The following ATP2B4 variants were observed in gnomAD, a reference collection of about 807,000 sequenced individuals.
ATP2B4 encodes ATPase plasma membrane Ca2+ transporting 4.
ATP2B4 carries 39 observed loss-of-function variants against 110.3 expected under a neutral mutation model. That is an observed-to-expected ratio of 0.35 (90% CI 0.27 to 0.46). The LOEUF (loss-of-function observed/expected upper bound fraction) is 0.46, where lower values mean the gene tolerates loss of function less well. Among genes scored for constraint, ATP2B4 ranks in the 20% least tolerant of loss-of-function variants. The probability of loss-of-function intolerance (pLI) is 1.00; values close to 1 mark genes in which losing one functional copy is unlikely to be tolerated. For missense variants in ATP2B4, 1,135 were observed against 1,530.9 expected, an observed-to-expected ratio of 0.74 and a Z score of 4.32; for synonymous variants, 538 against 571.7, an observed-to-expected ratio of 0.94 and a Z score of 0.84.
intron 1 of ATP2B4, among the ~76,000 whole-genome samples, chr1:203,646,693 G>A (rs1350066309): frequency 2.0e-5 from 3 of 151,972 alleles, no homozygotes; most frequent in Non-Finnish European, 4.4e-5. Flanking sequence ...AACCTGGGAG[G>A]CGGAGGTTAC....
At chr1:203,730,928 A>T (rs887671754) in intron 20 of ATP2B4, among the ~76,000 whole-genome samples, 1 of 152,180 alleles carries the variant, frequency 6.6e-6, no homozygotes, top group Non-Finnish European at 1.5e-5. Context: ...CGCTCCCAAC[A>T]TCAGCCCTTC....
At chr1:203,681,288 A>AT (rs1470283913) in intron 1 of ATP2B4, among the ~76,000 whole-genome samples, 1 of 152,222 alleles carries the variant, frequency 6.6e-6, no homozygotes, top group African/African-American at 2.4e-5. Context: ...TGGGAAGAGG[A>AT]TTGTCAGGAA....
At chr1:203,717,548 C>T (rs6702397) in intron 15 of ATP2B4, among the ~76,000 whole-genome samples, 39 of 151,876 alleles carry the variant, frequency 2.6e-4, no homozygotes, top group Non-Finnish European at 5.2e-4. Flanking sequence ...TTGGTTTTTT[C>T]GTTCTTTTTT....
At chr1:203,663,884 A>G (rs1329816081) in intron 1 of ATP2B4, among the ~76,000 whole-genome samples, 1 of 152,156 alleles carries the variant, frequency 6.6e-6, no homozygotes, top group Non-Finnish European at 1.5e-5. Context: ...GATTACAGGC[A>G]TGAGCCACTG....
intron 1 of ATP2B4, among the ~76,000 whole-genome samples, chr1:203,678,562 C>T (rs930419541): frequency 6.6e-6 from 1 of 152,076 alleles, no homozygotes; most frequent in African/African-American, 2.4e-5. Flanking sequence ...CGCCATCATG[C>T]CCAGCTAATT....
Position 203,683,093 on chromosome 1 carries a change from C to T in ATP2B4, c.-113C>T, listed in dbSNP as rs1480250452. 5.6e-6 allele frequency: 7 copies of T among 1,255,350 alleles called. No individual in the cohort carries two copies. In the Admixed American group the frequency reaches 1.3e-4, roughly 23 times the overall value. 77.8% of individuals were successfully genotyped at this position (1,255,350 alleles called of 1,614,324 possible). On this transcript the variant is annotated 5_prime_UTR_variant, in exon 2 of 21. Coordinates refer to ENST00000357681, the MANE Select transcript of ATP2B4 (RefSeq NM_001684.5). Reference sequence around the variant, plus strand: ...ATTCAATCTATTCCCTCACTGGGCCCCCAGAGAAGCAAGAAGTAGGAAGAA... The same window carrying T: ...ATTCAATCTATTCCCTCACTGGGCCTCCAGAGAAGCAAGAAGTAGGAAGAA...
chr1:203,733,104 C>T, intron 20 of ATP2B4: 1 of 946,986 alleles, frequency 1.1e-6, no homozygotes, highest in East Asian at 2.6e-5. Context: ...CTCCTGTCCC[C>T]TTTTCCCATC....
At position 203,739,677 on chromosome 1, in the gene ATP2B4, C is replaced by A. The variant is rs529686995; in HGVS notation, c.3441C>A (p.Leu1147=). ...AGGAGGAGTTGCCACGAACACCACT[C>A]CTGGATGAGGAAGAGGAGGAAAATC... ...AIEEELPRTP[L]LDEEEEENPD... The change falls in exon 21 of 21, where the codon CTC becomes CTA. Residue 1147 remains leucine, a synonymous_variant. Transcript: ENST00000357681. 1 of 1,614,158 alleles carries A rather than the reference C, an allele frequency of 6.2e-7. No individual in the cohort carries two copies. The highest frequency in any genetic ancestry group is 1.1e-5 in the South Asian group (1 of 91,082).
Position 203,699,572 on chromosome 1 carries a change from T to G in ATP2B4, c.504T>G (p.Phe168Leu). Reference sequence around the variant, plus strand: ...TCATCGTGGTGTTAGTGACTGCCTTTAATGATTGGAGCAAAGAGAAGCAAT... The same window carrying G: ...TCATCGTGGTGTTAGTGACTGCCTTGAATGATTGGAGCAAAGAGAAGCAAT... ...SVIIVVLVTA[F>L]NDWSKEKQFR... Residue 168 changes from phenylalanine (F) to leucine (L), a missense_variant, in exon 4 of 21, where the codon TTT becomes TTG. Phe to Leu is a conservative substitution (Grantham distance 22). This residue lies in a region of ATP2B4 where 101 missense variants were observed against 182.6 expected (regional missense o/e 0.55). Coordinates refer to ENST00000357681, the MANE Select transcript of ATP2B4 (RefSeq NM_001684.5). 6.2e-7 allele frequency: 1 copy of G among 1,614,212 alleles called. No individual in the cohort carries two copies.
chr1:203,733,981 C>A (rs1278884474), intron 20 of ATP2B4, among the ~76,000 whole-genome samples: 1 of 152,146 alleles, frequency 6.6e-6, no homozygotes, highest in African/African-American at 2.4e-5. Flanking sequence ...ATTTGGCCAC[C>A]ACTGTATTGC....
intron 2 of ATP2B4, among the ~76,000 whole-genome samples, chr1:203,691,413 C>A (rs1275925660): frequency 6.6e-6 from 1 of 152,142 alleles, no homozygotes; most frequent in African/African-American, 2.4e-5. Flanking sequence ...GATGGAAGCA[C>A]ATTCATGAAG....
chr1:203,700,624 T>C (rs1043874075), intron 5 of ATP2B4, among the ~76,000 whole-genome samples, 174 bp from the exon 6 acceptor site: 3 of 152,196 alleles, frequency 2.0e-5, no homozygotes, highest in African/African-American at 7.2e-5. Context: ...TTACTCCCAA[T>C]TTGTCTGGTC....
At chr1:203,719,470 G>C (rs948086829) in intron 15 of ATP2B4, among the ~76,000 whole-genome samples, 2 of 151,970 alleles carry the variant, frequency 1.3e-5, no homozygotes, top group African/African-American at 4.8e-5. Flanking sequence ...AGCACTTTGG[G>C]AGGCCAAGGC....
intron 1 of ATP2B4, among the ~76,000 whole-genome samples, chr1:203,631,917 C>T (rs575657754): frequency 3.3e-5 from 5 of 152,192 alleles, no homozygotes; most frequent in South Asian, 2.1e-4. Flanking sequence ...GTCTCAGCCT[C>T]GTGAGTAGCT....
intron 17 of ATP2B4, 53 bp downstream of exon 17, chr1:203,721,463 C>A: frequency 6.4e-7 from 1 of 1,562,306 alleles, no homozygotes; most frequent in Non-Finnish European, 8.8e-7. Flanking sequence ...GAGGTGGGGG[C>A]AGAGAAAGAA....
intron 20 of ATP2B4, among the ~76,000 whole-genome samples, chr1:203,728,816 C>CAA (rs1666602519): frequency 6.6e-6 from 1 of 151,568 alleles, no homozygotes; most frequent in Non-Finnish European, 1.5e-5. Flanking sequence ...GAGATTGCGC[C>CAA]ATTGCACTCC....
At chr1:203,733,486 C>A in intron 20 of ATP2B4, 1 of 1,323,798 alleles carries the variant, frequency 7.6e-7, no homozygotes, top group Non-Finnish European at 1.0e-6. Context: ...CCATGGTTAT[C>A]TTTTCCTTTT....
At position 203,708,671 on chromosome 1, in the gene ATP2B4, A is replaced by G. The variant is rs1223351802; in HGVS notation, c.1557+567A>G. ...CAGGAGTTCGAGACCAGCCTGAGCA[A>G]TATTGTGAGACCTCATCTCTACAAA... On this transcript the variant is annotated intron_variant, in intron 10 of 20. Coordinates refer to ENST00000357681, the MANE Select transcript of ATP2B4 (RefSeq NM_001684.5). 3.3e-5 allele frequency among the ~76,000 whole-genome samples: 5 copies of G among 152,166 alleles called. No homozygotes were observed. In the East Asian group the frequency reaches 9.6e-4, roughly 29 times the overall value.
intron 1 of ATP2B4, among the ~76,000 whole-genome samples, chr1:203,681,967 C>T (rs2102360212): frequency 6.6e-6 from 1 of 150,990 alleles, no homozygotes; most frequent in South Asian, 2.1e-4. Flanking sequence ...GCGTCACCAA[C>T]TGCCAAAGCA....
Sources: gnomAD v4.1 joint callset for allele counts (sites outside exome capture counted in the v4.1 genomes callset) on GRCh38, gnomAD v4.1.1 for gene constraint, gnomAD v4.1.1 regional missense constraint, MANE v1.5 for transcripts, NCBI Gene and HGNC (gene_info 2026-07-23, HGNC 2026-07-21) for gene names.